The following SEC11A variants were observed in gnomAD, a reference collection of about 807,000 sequenced individuals.
The protein encoded by SEC11A is SEC11 homolog A, signal peptidase complex subunit.
In SEC11A, 14 loss-of-function variants were observed where a neutral mutation model predicts 25.6. The ratio of observed to expected loss-of-function variants is 0.55; its 90% CI spans 0.36 to 0.85. The LOEUF (loss-of-function observed/expected upper bound fraction) is 0.85, where lower values mean the gene tolerates loss of function less well. Among genes scored for constraint, SEC11A ranks in the 40% least tolerant of loss-of-function variants. The pLI is 0.01. For synonymous variants in SEC11A, 83 were observed against 76.4 expected (o/e 1.09, Z -0.45); for missense variants, 153 against 222.9 (o/e 0.69, Z 2.00).
At chr15:84,708,263 C>T (rs951662937) in intron 1 of SEC11A, among the ~76,000 whole-genome samples, 22 of 132,764 alleles carry the variant, frequency 1.7e-4, no homozygotes, top group Non-Finnish European at 2.8e-4. Context: ...TTGCAGTTTA[C>T]AATAAAATTT....
chr15:84,671,323 A>G (rs1431633380), intron 4 of SEC11A: 2 of 152,200 alleles, frequency 1.3e-5, no homozygotes, highest in African/African-American at 2.4e-5. Context: ...TTTCATCACC[A>G]TATGTAGCAA....
intron 1 of SEC11A, among the ~76,000 whole-genome samples, chr15:84,693,117 C>G (rs970443523): frequency 1.3e-5 from 2 of 152,186 alleles, no homozygotes; most frequent in African/African-American, 4.8e-5. Context: ...GCCACCATGC[C>G]TGGTCACTTT....
chr15:84,670,120 A>C (rs1268922841), intron 5 of SEC11A, 51 bp from the exon 6 acceptor site: 1 of 1,563,772 alleles, frequency 6.4e-7, no homozygotes, highest in African/African-American at 1.4e-5. Context: ...AAAAGTTCAG[A>C]GGTTCTAAGA....
chr15:84,700,264 A>C (rs999025730), intron 1 of SEC11A, among the ~76,000 whole-genome samples: 1 of 151,862 alleles, frequency 6.6e-6, no homozygotes, highest in Non-Finnish European at 1.5e-5. Flanking sequence ...CAATAAACAG[A>C]AACAGACCCA....
At chr15:84,671,195 T>A (rs564127122) in intron 4 of SEC11A, 1 of 153,762 alleles carries the variant, frequency 6.5e-6, no homozygotes, top group South Asian at 2.0e-4. Context: ...TCATGTTAAG[T>A]GGCCAAAAAG....
chr15:84,669,816 A>C lies in SEC11A; in HGVS notation c.*203T>G. 1 of 685,608 alleles carries C rather than the reference A, an allele frequency of 1.5e-6. No homozygotes were observed. Among genetic ancestry groups the C allele is most frequent in the Non-Finnish European group, 2.2e-6 (1 of 449,590 alleles). 42.5% of individuals were successfully genotyped at this position (685,608 alleles called of 1,614,324 possible). ...TGACAATTATGAAATCCTGTGACTG[A>C]AAGTCCCCTCGAGTGCACTCTGTGG... On this transcript the variant is annotated 3_prime_UTR_variant, in exon 6 of 6. Coordinates refer to ENST00000268220, the MANE Select transcript of SEC11A (RefSeq NM_014300.4).
intron 4 of SEC11A, among the ~76,000 whole-genome samples, chr15:84,676,482 G>T (rs1344611305): frequency 2.0e-5 from 3 of 149,528 alleles, no homozygotes; most frequent in Non-Finnish European, 4.4e-5. Context: ...TTTTTTTAAT[G>T]CATAAAGGAG....
intron 1 of SEC11A, among the ~76,000 whole-genome samples, chr15:84,693,617 C>T (rs1370871774): frequency 6.6e-6 from 1 of 151,956 alleles, no homozygotes; most frequent in Non-Finnish European, 1.5e-5. Context: ...TGCATCATCA[C>T]GCCCGGCCAA....
chr15:84,670,685 G>C, intron 5 of SEC11A, 40 bp downstream of exon 5: 1 of 1,059,234 alleles, frequency 9.4e-7, no homozygotes, highest in Non-Finnish European at 1.4e-6. Flanking sequence ...TGGCCCAAAA[G>C]ATTACATTTT....
chr15:84,710,034 A>G (rs1342733948), intron 1 of SEC11A, among the ~76,000 whole-genome samples: 3 of 152,168 alleles, frequency 2.0e-5, no homozygotes, highest in Non-Finnish European at 4.4e-5. Flanking sequence ...GCACCCAGCT[A>G]TATTTGGTAT....
At chr15:84,681,643 CAA>C (rs993630848) in intron 3 of SEC11A, among the ~76,000 whole-genome samples, 1 of 151,730 alleles carries the variant, frequency 6.6e-6, no homozygotes, top group African/African-American at 2.4e-5. Flanking sequence ...ACGAAAAAAA[CAA>C]AAAAACAAGA....
chr15:84,687,544 A>G lies in SEC11A; in HGVS notation c.311+81T>C, dbSNP rs928072240. ...CCTAGAGGTTCCTCACTGTTTTACA[A>G]TCTTTAGGCTATCAAAACTAAATAC... is the stretch of plus-strand genomic sequence containing the variant. On this transcript the variant is annotated intron_variant, in intron 3 of 5. Transcript: ENST00000268220. 8.2e-6 allele frequency: 10 copies of G among 1,224,654 alleles called. No homozygotes were observed. In the Middle Eastern group the frequency reaches 8.8e-4, roughly 107 times the overall value. The allele number at this position is 1,224,654 out of a possible 1,614,324, so 75.9% of individuals were successfully genotyped here.
In SEC11A at chr15:84,689,397, T is replaced by C. The variant is rs1389426727; in HGVS notation, c.162-1623A>G. 5.3e-5 allele frequency among the ~76,000 whole-genome samples: 8 copies of C among 152,308 alleles called. No homozygotes were observed. The East Asian group carries it at 1.5e-3, about 29-fold the overall frequency. On this transcript the variant is annotated intron_variant, in intron 2 of 5. Transcript: ENST00000268220. ...TACATTAAATATGTACAGCTTTTTG[T>C]ATGTCAATCATATCTCGATAATTTG...
intron 4 of SEC11A, 63 bp downstream of exon 4, chr15:84,680,650 A>G: frequency 1.4e-6 from 2 of 1,456,662 alleles, no homozygotes; most frequent in East Asian, 4.6e-5. Flanking sequence ...ATCAAATAAT[A>G]TGATTGAGAG....
chr15:84,672,754 C>T, intron 4 of SEC11A: 1 of 194,200 alleles, frequency 5.1e-6, no homozygotes, highest in Non-Finnish European at 1.1e-5. Flanking sequence ...GCCCCTCTGC[C>T]TGGCTGCCCA....
At chr15:84,676,648 G>A (rs1897142118) in intron 4 of SEC11A, among the ~76,000 whole-genome samples, 1 of 151,230 alleles carries the variant, frequency 6.6e-6, no homozygotes, top group Admixed American at 6.6e-5. Flanking sequence ...GCTAATCCCA[G>A]CTACTCAGGA....
chr15:84,709,694 C>T (rs926960122), intron 1 of SEC11A, among the ~76,000 whole-genome samples: 1 of 152,088 alleles, frequency 6.6e-6, no homozygotes, highest in Admixed American at 6.6e-5. Flanking sequence ...CTGCCGGCCT[C>T]AGCCTCCCAA....
intron 2 of SEC11A, among the ~76,000 whole-genome samples, chr15:84,690,864 T>C (rs1456465022): frequency 6.6e-6 from 1 of 152,078 alleles, no homozygotes; most frequent in Non-Finnish European, 1.5e-5. Flanking sequence ...TAACATCTAA[T>C]GAACTAACAA....
At chr15:84,679,447 C>A (rs990235392) in intron 4 of SEC11A, among the ~76,000 whole-genome samples, 6 of 152,230 alleles carry the variant, frequency 3.9e-5, no homozygotes, top group African/African-American at 1.4e-4. Flanking sequence ...GAGCATCTCT[C>A]GTGCTGTAAC....
Sources: gnomAD v4.1 joint callset for allele counts (sites outside exome capture counted in the v4.1 genomes callset) on GRCh38, gnomAD v4.1.1 for gene constraint, MANE v1.5 for transcripts, NCBI Gene and HGNC (gene_info 2026-07-23, HGNC 2026-07-21) for gene names.